The following ZEB2 variants were observed in gnomAD, a reference collection of about 807,000 sequenced individuals.
ZEB2 encodes the protein zinc finger E-box-binding homeobox 2.
A neutral mutation model predicts 99.9 loss-of-function variants in ZEB2; 6 were observed. The observed-to-expected ratio is 0.06, with a 90% CI of 0.03 to 0.12. The LOEUF is 0.12. ZEB2 is among the 10% of genes least tolerant of loss of function. The pLI, the probability that ZEB2 is intolerant of heterozygous loss-of-function variation, is 1.00. For missense variants in ZEB2, 969 were observed against 1,502.8 expected, an observed-to-expected ratio of 0.64 and a Z score of 5.87; for synonymous variants, 517 against 542.5, an observed-to-expected ratio of 0.95 and a Z score of 0.65.
At chr2:144,438,558 T>A (rs1703866924) in intron 2 of ZEB2, among the ~76,000 whole-genome samples, 1 of 152,144 alleles carries the variant, frequency 6.6e-6, no homozygotes, top group Non-Finnish European at 1.5e-5. Context: ...CGTTACAAAC[T>A]TGATCACATG....
chr2:144,512,371 C>T (rs1432798503), intron 2 of ZEB2: 1 of 1,287,208 alleles, frequency 7.8e-7, no homozygotes, highest in South Asian at 1.2e-5. Flanking sequence ...CGCGGCACTG[C>T]TAGAGGCTAG....
At chr2:144,513,625 C>T (rs1442169221) in intron 2 of ZEB2, 4 of 1,532,402 alleles carry the variant, frequency 2.6e-6, no homozygotes, top group Middle Eastern at 2.2e-4. Context: ...GATGGGGAGG[C>T]AGACCCTCTT....
chr2:144,401,346 A>G, intron 6 of ZEB2, 39 bp from the exon 7 acceptor site: 2 of 1,598,342 alleles, frequency 1.3e-6, no homozygotes, highest in Non-Finnish European at 1.7e-6. Context: ...TTTGTGCAGG[A>G]GGAACAAAGA....
intron 6 of ZEB2, among the ~76,000 whole-genome samples, chr2:144,401,760 G>A (rs1280622991): frequency 2.0e-5 from 3 of 151,930 alleles, no homozygotes; most frequent in Non-Finnish European, 4.4e-5. Flanking sequence ...CAATTTTTTT[G>A]TATCAGCATA....
At chr2:144,391,170 A>AT (rs1287350082) in intron 9 of ZEB2, among the ~76,000 whole-genome samples, 2 of 152,246 alleles carry the variant, frequency 1.3e-5, no homozygotes, top group African/African-American at 4.8e-5. Flanking sequence ...ATATGGTGAT[A>AT]TAAAATCTCA....
At chr2:144,417,537 A>G (rs980970967) in intron 4 of ZEB2, among the ~76,000 whole-genome samples, 10 of 152,342 alleles carry the variant, frequency 6.6e-5, no homozygotes, top group African/African-American at 1.7e-4. Context: ...TTCACTCAGC[A>G]TAATGTCCTC....
At chr2:144,429,618 T>C (rs555572321) in intron 3 of ZEB2, 151 bp downstream of exon 3, 532 of 1,223,150 alleles carry the variant, frequency 4.3e-4, no homozygotes, top group Non-Finnish European at 6.0e-4. Flanking sequence ...CACTTCATAA[T>C]CTGTCACCAG....
intron 7 of ZEB2, 85 bp from the exon 8 acceptor site, chr2:144,400,355 C>A: frequency 1.4e-6 from 2 of 1,466,962 alleles, no homozygotes; most frequent in South Asian, 1.2e-5. Flanking sequence ...TCTGTGAAAC[C>A]AAACAAAAGG....
chr2:144,462,484 G>A (rs1432524518), intron 2 of ZEB2: 3 of 152,148 alleles, frequency 2.0e-5, no homozygotes, highest in African/African-American at 4.8e-5. Context: ...CTCACAGCAC[G>A]GAAGTGCCAC....
intron 2 of ZEB2, chr2:144,512,322 C>T (rs1301391106): frequency 1.6e-6 from 2 of 1,287,218 alleles, no homozygotes; most frequent in East Asian, 5.5e-5. Flanking sequence ...ATGACAAAAA[C>T]TGTTGCAAGG....
At chr2:144,416,384 CTA>C (rs1392554603) in intron 4 of ZEB2, among the ~76,000 whole-genome samples, 1 of 152,192 alleles carries the variant, frequency 6.6e-6, no homozygotes, top group Non-Finnish European at 1.5e-5. Context: ...TTGTTGCAGA[CTA>C]TGTTTTCAAA....
chr2:144,514,421 A>C (rs2149932797), intron 2 of ZEB2: 1 of 152,198 alleles, frequency 6.6e-6, no homozygotes, highest in East Asian at 1.9e-4. Context: ...TATTGCCATT[A>C]TTTCTTTCCA....
chr2:144,396,631 T>C, intron 8 of ZEB2, 39 bp from the exon 9 acceptor site: 2 of 1,601,454 alleles, frequency 1.2e-6, no homozygotes, highest in East Asian at 4.5e-5. Flanking sequence ...GTGGCTTCTC[T>C]TTGTGCTCAC....
At position 144,484,816 on chromosome 2, in the gene ZEB2, T is replaced by C. The variant is rs116306874; in HGVS notation, c.73+32462A>G. ...GTACACGGTGGAACATTTCCTGAAC[T>C]CTCTGCCCAGCCTGTACAGAAATTA... On this transcript the variant is annotated intron_variant, in intron 2 of 9. Coordinates refer to ENST00000627532, the MANE Select transcript of ZEB2 (RefSeq NM_014795.4). Among the ~76,000 whole-genome samples the C allele has an allele frequency of 3.3e-3, 506 of 151,500 alleles. 2 individuals are homozygous for C. Among genetic ancestry groups the C allele is most frequent in the African/African-American group, 0.011 (468 of 41,230 alleles).
chr2:144,513,391 T>A, intron 2 of ZEB2: 1 of 1,357,622 alleles, frequency 7.4e-7, no homozygotes, highest in Non-Finnish European at 9.7e-7. Flanking sequence ...AAGCTCCCCT[T>A]CTCCTTCACA....
chr2:144,402,513 C>A (rs894527985), intron 6 of ZEB2, among the ~76,000 whole-genome samples: 1 of 152,190 alleles, frequency 6.6e-6, no homozygotes, highest in African/African-American at 2.4e-5. Flanking sequence ...TGTCTCCCCC[C>A]ACAGCCCTCA....
intron 6 of ZEB2, among the ~76,000 whole-genome samples, chr2:144,403,497 T>C (rs1473591379): frequency 6.6e-6 from 1 of 152,012 alleles, no homozygotes; most frequent in Non-Finnish European, 1.5e-5. Context: ...ATATGAAAAA[T>C]GAAAGAAATA....
rs753054340 is a variant in ZEB2 at position 144,467,948 on chromosome 2, GGCA to G, written c.74-37925_74-37923del. On this transcript the variant is annotated intron_variant, in intron 2 of 9. Transcript: ENST00000627532. The stretch of plus-strand genomic sequence containing the variant: ...GATTTAACACAGGCTGAATGGTAGG[GGCA>G]GCAGATGTAACTAATGGGGTTAGGG... 1.1e-4 allele frequency among the ~76,000 whole-genome samples: 17 copies of G among 152,132 alleles called. No homozygotes were observed. The East Asian group carries it at 1.2e-3, about 10-fold the overall frequency.
At chr2:144,499,925 G>T (rs1464728060) in intron 2 of ZEB2, among the ~76,000 whole-genome samples, 1 of 152,174 alleles carries the variant, frequency 6.6e-6, no homozygotes, top group Admixed American at 6.5e-5. Context: ...CTGATGGATT[G>T]TGCCATCTAT....
Sources: allele counts gnomAD v4.1 joint callset (sites outside exome capture counted in the v4.1 genomes callset), GRCh38; gene constraint gnomAD v4.1.1; transcripts MANE v1.5; gene names NCBI Gene and HGNC (gene_info 2026-07-23, HGNC 2026-07-21).